FBN1: variants seen among roughly 807,000 people sequenced by gnomAD.
The protein encoded by FBN1 is fibrillin-1.
A neutral mutation model predicts 365.1 loss-of-function variants in FBN1; 29 were observed. That is an observed-to-expected ratio of 0.08 (90% CI 0.06 to 0.11). The LOEUF (loss-of-function observed/expected upper bound fraction) is 0.11, where lower values mean the gene tolerates loss of function less well. FBN1 is among the 10% of genes least tolerant of loss of function. The pLI is 1.00. For missense variants in FBN1, 2,476 were observed against 3,703.2 expected, an observed-to-expected ratio of 0.67 and a Z score of 8.60; for synonymous variants, 1,210 against 1,270.5, an observed-to-expected ratio of 0.95 and a Z score of 1.01.
rs761632843 is a variant in FBN1, at chr15:48,488,371, T to C, written c.3205A>G (p.Thr1069Ala). 6.2e-7 allele frequency: 1 copy of C among 1,614,252 alleles called. No homozygotes were observed. Residue 1069 changes from threonine to alanine, a missense_variant, in exon 26 of 66, where the codon ACA becomes GCA. Thr to Ala is a moderately conservative substitution (Grantham distance 58). Transcript: ENST00000316623. The stretch of plus-strand genomic sequence containing the variant: ...CCCTTAAGGCTCATTAACTGACCTG[T>C]GCAGTTCCTTTCTTCAGAATCAAGA... ...FALDSEERNC[T>A]DIDECRISPD...
chr15:48,424,916 C>A (rs984711149), intron 60 of FBN1, among the ~76,000 whole-genome samples: 1 of 152,120 alleles, frequency 6.6e-6, no homozygotes, highest in South Asian at 2.1e-4. Flanking sequence ...TTCTGCAGAA[C>A]AAAAATCTGG....
chr15:48,579,087 A>C (rs1270208569), intron 6 of FBN1, among the ~76,000 whole-genome samples: 1 of 152,016 alleles, frequency 6.6e-6, no homozygotes, highest in East Asian at 1.9e-4. Flanking sequence ...AGACACTTTC[A>C]GTGACCTTAT....
chr15:48,502,758 T>C (rs549462797), intron 17 of FBN1, among the ~76,000 whole-genome samples: 5 of 152,342 alleles, frequency 3.3e-5, no homozygotes, highest in Non-Finnish European at 7.3e-5. Context: ...ATAGCTTGTC[T>C]GCATTATTCT....
intron 6 of FBN1, among the ~76,000 whole-genome samples, chr15:48,589,868 G>A (rs987272188): frequency 6.6e-6 from 1 of 151,826 alleles, no homozygotes; most frequent in Non-Finnish European, 1.5e-5. Context: ...CGCCTGCCCC[G>A]GCCTCCCAAA....
chr15:48,623,111 G>T (rs562747248), intron 2 of FBN1, among the ~76,000 whole-genome samples: 1 of 152,130 alleles, frequency 6.6e-6, no homozygotes, highest in African/African-American at 2.4e-5. Flanking sequence ...TGTCTATTAT[G>T]CCTAGACTAT....
At position 48,635,732 on chromosome 15, in the gene FBN1, A is replaced by C. The variant is rs74014659; in HGVS notation, c.164+8874T>G. ...AATGGAAAATGGTTAGATGTTTTGA[A>C]ATTCTCATATTTGAATAAAACAAAA... On this transcript the variant is annotated intron_variant, in intron 2 of 65. Coordinates refer to ENST00000316623, the MANE Select transcript of FBN1 (RefSeq NM_000138.5). 6.7e-3 allele frequency among the ~76,000 whole-genome samples: 1,024 copies of C among 152,352 alleles called. 11 individuals are homozygous for C. Among genetic ancestry groups the C allele is most frequent in the African/African-American group, 0.023 (974 of 41,580 alleles).
At chr15:48,467,444 T>C (rs2043331967) in intron 38 of FBN1, among the ~76,000 whole-genome samples, 2 of 152,230 alleles carry the variant, frequency 1.3e-5, no homozygotes, top group African/African-American at 4.8e-5. Context: ...AAAACCCTTT[T>C]ATATTTTTAG....
chr15:48,591,675 G>T (rs1391117754), intron 6 of FBN1, among the ~76,000 whole-genome samples: 1 of 152,040 alleles, frequency 6.6e-6, no homozygotes, highest in African/African-American at 2.4e-5. Context: ...CATAGTTCTA[G>T]GTTTCTTCTT....
At chr15:48,516,624 T>C (rs2043805704) in intron 10 of FBN1, among the ~76,000 whole-genome samples, 1 of 152,136 alleles carries the variant, frequency 6.6e-6, no homozygotes, top group South Asian at 2.1e-4. Flanking sequence ...TGTATCAAAA[T>C]TCACCTCATG....
intron 2 of FBN1, among the ~76,000 whole-genome samples, chr15:48,634,133 T>C (rs553400297): frequency 1.3e-5 from 2 of 152,270 alleles, no homozygotes; most frequent in East Asian, 3.9e-4. Flanking sequence ...CCAAACCTAT[T>C]AGGGTCTGAT....
rs796999157 is a variant in FBN1, at chr15:48,577,053, AT to A, written c.538+19229del. The stretch of plus-strand genomic sequence containing the variant: ...TTTTAGAACTCATAATTCTCAGGTC[AT>A]TTTTTTTAACCTCAGCCTTTTTTTC... On this transcript the variant is annotated intron_variant, in intron 6 of 65. Transcript: ENST00000316623. Among the ~76,000 whole-genome samples the A allele has an allele frequency of 8.4e-4, 128 of 151,976 alleles. 1 individual carries two copies. Among genetic ancestry groups the A allele is most frequent in the African/African-American group, 2.9e-3 (120 of 41,456 alleles).
At chr15:48,581,723 A>G (rs2044393494) in intron 6 of FBN1, among the ~76,000 whole-genome samples, 1 of 152,254 alleles carries the variant, frequency 6.6e-6, no homozygotes, top group Non-Finnish European at 1.5e-5. Context: ...GGTGTGAAAA[A>G]TGAGAGGAAA....
At chr15:48,494,042 C>T (rs1053539292) in intron 23 of FBN1, among the ~76,000 whole-genome samples, 162 bp downstream of exon 23, 6 of 152,206 alleles carry the variant, frequency 3.9e-5, no homozygotes, top group African/African-American at 1.4e-4. Context: ...TATATATATG[C>T]TTGTGAAATT....
At chr15:48,568,090 C>T (rs373968683) in intron 6 of FBN1, among the ~76,000 whole-genome samples, 1 of 106,538 alleles carries the variant, frequency 9.4e-6, no homozygotes, top group South Asian at 2.9e-4. Context: ...GAAAGACTAT[C>T]TTTATTCCAA....
At chr15:48,610,203 T>A (rs1239508255) in intron 4 of FBN1, among the ~76,000 whole-genome samples, 3 of 152,210 alleles carry the variant, frequency 2.0e-5, no homozygotes, top group Non-Finnish European at 4.4e-5. Flanking sequence ...TCATCTGGCA[T>A]CACAGAAAGT....
intron 42 of FBN1, among the ~76,000 whole-genome samples, chr15:48,462,742 GTTTCCCTTACTGTCACA>G (rs1204457923): frequency 6.6e-6 from 1 of 152,092 alleles, no homozygotes; most frequent in African/African-American, 2.4e-5. Flanking sequence ...AAGGAATTAT[GTTTCCCTTACTGTCACA>G]TTGATTTGTC....
rs531392277 is a variant in FBN1, at chr15:48,417,500, C to T, written c.7820-1733G>A. On this transcript the variant is annotated intron_variant, in intron 63 of 65. Transcript: ENST00000316623. ...TCCTTCCTTCCTTCTCTCCTCCCCT[C>T]CTTCCTTCTCTCTTTCCCTCCTTCC... Among the ~76,000 whole-genome samples the T allele has an allele frequency of 7.9e-5, 11 of 138,936 alleles. 1 individual carries two copies. The highest frequency in any genetic ancestry group is 2.9e-4 in the African/African-American group (11 of 38,212). 91.1% of individuals were successfully genotyped at this position (138,936 alleles called of 152,430 possible).
At chr15:48,442,043 T>C (rs143968088) in intron 49 of FBN1, among the ~76,000 whole-genome samples, 197 bp from the exon 50 acceptor site, 165 of 152,336 alleles carry the variant, frequency 1.1e-3, no homozygotes, top group Non-Finnish European at 2.1e-3. Context: ...TTGACAGTTA[T>C]TGATATAAAA....
intron 58 of FBN1, among the ~76,000 whole-genome samples, chr15:48,426,813 C>T (rs2042982518): frequency 6.6e-6 from 1 of 152,078 alleles, no homozygotes; most frequent in African/African-American, 2.4e-5. Flanking sequence ...CTCCATCTTA[C>T]CTTTCTAGGT....
Sources: allele counts gnomAD v4.1 joint callset (sites outside exome capture counted in the v4.1 genomes callset), GRCh38; gene constraint gnomAD v4.1.1; transcripts MANE v1.5; gene names NCBI Gene and HGNC (gene_info 2026-07-23, HGNC 2026-07-21).